KCNQ5: variants seen among roughly 807,000 people sequenced by gnomAD.
KCNQ5 encodes the protein potassium voltage-gated channel subfamily Q member 5.
KCNQ5 carries 30 observed loss-of-function variants against 98.2 expected under a neutral mutation model. The observed-to-expected ratio is 0.31, with a 90% CI of 0.23 to 0.41. The LOEUF is 0.41. Among genes scored for constraint, KCNQ5 ranks in the 10% least tolerant of loss-of-function variants. The pLI, the probability that KCNQ5 is intolerant of heterozygous loss-of-function variation, is 1.00. For synonymous variants in KCNQ5, 458 were observed against 449.4 expected (o/e 1.02, Z -0.24); for missense variants, 835 against 1,182.5 (o/e 0.71, Z 4.31).
chr6:73,173,791 A>G (rs937407528), intron 11 of KCNQ5, among the ~76,000 whole-genome samples: 28 of 147,874 alleles, frequency 1.9e-4, no homozygotes, highest in Non-Finnish European at 1.1e-4. Flanking sequence ...CTCTAAAGGG[A>G]AAAAAAAAAA....
intron 1 of KCNQ5, among the ~76,000 whole-genome samples, chr6:72,644,547 A>C (rs899439213): frequency 3.9e-5 from 6 of 152,152 alleles, no homozygotes; most frequent in Non-Finnish European, 7.4e-5. Context: ...TGAGTAGATA[A>C]ATTCTCAAAT....
intron 1 of KCNQ5, among the ~76,000 whole-genome samples, chr6:72,929,065 C>T (rs956014744): frequency 3.3e-5 from 5 of 152,106 alleles, no homozygotes; most frequent in Admixed American, 3.3e-4. Context: ...TCCTATAAAC[C>T]ATATTTTAAA....
chr6:72,630,318 T>C (rs2098920121), intron 1 of KCNQ5, among the ~76,000 whole-genome samples: 1 of 152,208 alleles, frequency 6.6e-6, no homozygotes, highest in African/African-American at 2.4e-5. Flanking sequence ...GTGGTCATTG[T>C]TCTCATTTAT....
At chr6:72,665,905 T>C (rs1766787193) in intron 1 of KCNQ5, among the ~76,000 whole-genome samples, 1 of 152,212 alleles carries the variant, frequency 6.6e-6, no homozygotes, top group African/African-American at 2.4e-5. Flanking sequence ...CATAGGAATT[T>C]TAGTCATTAT....
chr6:73,175,444 G>A lies in KCNQ5; in HGVS notation c.1577+5590G>A, dbSNP rs547167955. Among the ~76,000 whole-genome samples, 150 of 152,168 alleles carry A rather than the reference G, an allele frequency of 9.9e-4. 1 individual carries two copies. Among genetic ancestry groups the A allele is most frequent in the Non-Finnish European group, 1.4e-3 (98 of 68,012 alleles). ...TGGGATTACAGACATGAGTCACTGCGCCTGGTCTAGAAGAGCAATTTTTTC... is the reference window on the plus strand; with the variant it reads ...TGGGATTACAGACATGAGTCACTGCACCTGGTCTAGAAGAGCAATTTTTTC... On this transcript the variant is annotated intron_variant, in intron 11 of 13. Coordinates refer to ENST00000370398, the MANE Select transcript of KCNQ5 (RefSeq NM_019842.4).
intron 1 of KCNQ5, among the ~76,000 whole-genome samples, chr6:72,709,463 C>T (rs530468074): frequency 2.0e-4 from 30 of 152,214 alleles, no homozygotes; most frequent in Admixed American, 5.2e-4. Context: ...ACTCTGATGG[C>T]GGTTTTATGG....
At chr6:72,736,645 G>A (rs1009505650) in intron 1 of KCNQ5, among the ~76,000 whole-genome samples, 10 of 146,366 alleles carry the variant, frequency 6.8e-5, no homozygotes, top group South Asian at 4.5e-4. Context: ...GACTACAGGC[G>A]CCCGCCACCA....
At chr6:72,766,303 A>T (rs1772566982) in intron 1 of KCNQ5, among the ~76,000 whole-genome samples, 1 of 152,052 alleles carries the variant, frequency 6.6e-6, no homozygotes, top group African/African-American at 2.4e-5. Context: ...TCTGGAGGCC[A>T]GCTAAAAGCT....
At chr6:72,892,855 A>T (rs1400149019) in intron 1 of KCNQ5, among the ~76,000 whole-genome samples, 1 of 152,126 alleles carries the variant, frequency 6.6e-6, no homozygotes, top group Non-Finnish European at 1.5e-5. Flanking sequence ...TCCTGTTTAA[A>T]CAAGAAAAAA....
chr6:72,711,171 A>C (rs1421305186), intron 1 of KCNQ5, among the ~76,000 whole-genome samples: 1 of 152,034 alleles, frequency 6.6e-6, no homozygotes, highest in Non-Finnish European at 1.5e-5. Flanking sequence ...TGTCCTCCTT[A>C]TCAGAAGAAG....
intron 1 of KCNQ5, among the ~76,000 whole-genome samples, chr6:72,850,387 C>T (rs1234342377): frequency 1.3e-5 from 2 of 152,140 alleles, no homozygotes; most frequent in Non-Finnish European, 1.5e-5. Context: ...AAAAGAGAGG[C>T]AGAGCTATGG....
In KCNQ5 at chr6:73,133,427, G is replaced by A; in HGVS notation, c.1254G>A (p.Lys418=). 1 of 1,614,076 alleles carries A rather than the reference G, an allele frequency of 6.2e-7. No homozygotes were observed. The highest frequency in any genetic ancestry group is 2.2e-5 in the East Asian group (1 of 44,886). ...ATGCCTCTGTTCTCCACAGTCAGAA[G>A]CTAAGTTTTAAGGAGCGAGTGCGCA... ...KEQGEASSSQ[K]LSFKERVRMA... is the part of the protein sequence containing the mutation. Residue 418 remains lysine, a synonymous_variant, in exon 10 of 14, where the codon AAG becomes AAA. Transcript: ENST00000370398.
intron 1 of KCNQ5, among the ~76,000 whole-genome samples, chr6:72,659,808 C>T (rs1225660761): frequency 6.6e-6 from 1 of 152,196 alleles, no homozygotes; most frequent in Non-Finnish European, 1.5e-5. Context: ...ACATTTAGAA[C>T]ATAACATCCC....
intron 3 of KCNQ5, chr6:73,055,165 C>T (rs1190842948): frequency 3.4e-5 from 28 of 818,718 alleles, no homozygotes; most frequent in Non-Finnish European, 4.6e-5. Flanking sequence ...ACCACTTCAG[C>T]GGCTGGTACG....
chr6:72,635,918 A>G (rs1222735244), intron 1 of KCNQ5, among the ~76,000 whole-genome samples: 1 of 151,962 alleles, frequency 6.6e-6, no homozygotes, highest in Non-Finnish European at 1.5e-5. Context: ...TTTTAGAAAT[A>G]TAAGGGGAGA....
At chr6:72,823,550 A>G (rs1251399147) in intron 1 of KCNQ5, among the ~76,000 whole-genome samples, 2 of 152,182 alleles carry the variant, frequency 1.3e-5, no homozygotes, top group East Asian at 1.9e-4. Context: ...ATTTGAACAT[A>G]AACACTTTTC....
chr6:73,063,366 A>G (rs1428179918), intron 3 of KCNQ5, among the ~76,000 whole-genome samples: 2 of 152,162 alleles, frequency 1.3e-5, no homozygotes, highest in African/African-American at 4.8e-5. Context: ...GTTGCCATGA[A>G]TTCTGATCCT....
intron 5 of KCNQ5, among the ~76,000 whole-genome samples, chr6:73,080,908 G>T (rs1582316515): frequency 6.6e-6 from 1 of 152,102 alleles, no homozygotes; most frequent in Non-Finnish European, 1.5e-5. Flanking sequence ...ATCATGGTGG[G>T]ATCAGTGCTG....
intron 1 of KCNQ5, among the ~76,000 whole-genome samples, chr6:72,895,763 T>C (rs1261770688): frequency 6.6e-6 from 1 of 151,208 alleles, no homozygotes; most frequent in East Asian, 1.9e-4. Context: ...AATGTTTATG[T>C]ATATTAAAAG....
Sources: gnomAD v4.1 joint callset for allele counts (sites outside exome capture counted in the v4.1 genomes callset) on GRCh38, gnomAD v4.1.1 for gene constraint, MANE v1.5 for transcripts, NCBI Gene and HGNC (gene_info 2026-07-23, HGNC 2026-07-21) for gene names.